The following CACNA1C variants were observed in gnomAD, a reference collection of about 807,000 sequenced individuals.
CACNA1C encodes the protein voltage-dependent L-type calcium channel subunit alpha-1C.
A neutral mutation model predicts 229.0 loss-of-function variants in CACNA1C; 30 were observed. The ratio of observed to expected loss-of-function variants is 0.13; its 90% CI spans 0.10 to 0.18. The LOEUF (loss-of-function observed/expected upper bound fraction) is 0.18, where lower values mean the gene tolerates loss of function less well. Ranked by LOEUF, CACNA1C falls within the 10% of genes least tolerant of loss-of-function variation. CACNA1C has a pLI of 1.00. For synonymous variants in CACNA1C, 1,114 were observed against 1,132.5 expected (o/e 0.98, Z 0.33); for missense variants, 1,658 against 2,845.0 (o/e 0.58, Z 9.49).
chr12:2,425,859 T>C (rs1443941514), intron 3 of CACNA1C, among the ~76,000 whole-genome samples: 1 of 152,218 alleles, frequency 6.6e-6, no homozygotes, highest in Non-Finnish European at 1.5e-5. Flanking sequence ...AGAAAAAGTT[T>C]CCAGAGGGTT....
rs2097835491 is a variant in CACNA1C, at chr12:2,695,641, C to T, written c.*4442C>T. 6.6e-6 allele frequency: 1 copy of T among 152,310 alleles called. No individual in the cohort carries two copies. Among genetic ancestry groups the T allele is most frequent in the East Asian group, 1.9e-4 (1 of 5,192 alleles). The allele number at this position is 152,310 out of a possible 1,614,324, so 9.4% of individuals were successfully genotyped here. ...TCCCTGTCCCTAAGCAAAGCTCCCTCTTCCCACTGCCCTCCCCAGCCCCAG... is the reference window on the plus strand; with the variant it reads ...TCCCTGTCCCTAAGCAAAGCTCCCTTTTCCCACTGCCCTCCCCAGCCCCAG... On this transcript the variant is annotated 3_prime_UTR_variant, in exon 47 of 47. Transcript: ENST00000399655.
At chr12:2,360,285 C>T (rs1426733684) in intron 3 of CACNA1C, among the ~76,000 whole-genome samples, 2 of 151,812 alleles carry the variant, frequency 1.3e-5, no homozygotes, top group Non-Finnish European at 2.9e-5. Context: ...CCCCCGGATT[C>T]CTCAGGTTGC....
chr12:2,439,715 T>G (rs1020773365), intron 3 of CACNA1C, among the ~76,000 whole-genome samples: 6 of 136,722 alleles, frequency 4.4e-5, no homozygotes, highest in East Asian at 2.1e-4. Context: ...TTGAGAAGGG[T>G]TTTTTTTTTT....
At chr12:2,685,098 A>T (rs1260105897) in intron 43 of CACNA1C, among the ~76,000 whole-genome samples, 2 of 152,232 alleles carry the variant, frequency 1.3e-5, no homozygotes, top group Non-Finnish European at 1.5e-5. Context: ...ACCGAGGGTA[A>T]CCAAAGGCTA....
chr12:2,397,102 A>T (rs955373477), intron 3 of CACNA1C, among the ~76,000 whole-genome samples: 1 of 152,240 alleles, frequency 6.6e-6, no homozygotes, highest in South Asian at 2.1e-4. Context: ...TATGTACAAC[A>T]TTGTGCTTAG....
At chr12:2,663,735 C>CTTTTTT (rs55933898) in intron 34 of CACNA1C, among the ~76,000 whole-genome samples, 22 of 103,848 alleles carry the variant, frequency 2.1e-4, no homozygotes, top group African/African-American at 6.4e-4. Context: ...AATAGAGTAT[C>CTTTTTT]TTTTTTTTTT....
intron 1 of CACNA1C, among the ~76,000 whole-genome samples, chr12:2,040,923 A>G (rs188754534): frequency 7.6e-4 from 116 of 152,370 alleles, no homozygotes; most frequent in African/African-American, 2.7e-3. Context: ...CTAAAGTTAC[A>G]CAGCCAAGTG....
intron 29 of CACNA1C, among the ~76,000 whole-genome samples, chr12:2,624,930 A>G (rs2085454933): frequency 6.6e-6 from 1 of 152,242 alleles, no homozygotes; most frequent in Non-Finnish European, 1.5e-5. Flanking sequence ...CTCTTGCCCC[A>G]GCCTTCGCCA....
chr12:2,228,023 G>A (rs969012660), intron 3 of CACNA1C, among the ~76,000 whole-genome samples: 1 of 152,162 alleles, frequency 6.6e-6, no homozygotes, highest in Non-Finnish European at 1.5e-5. Context: ...ATGTCCTTAG[G>A]TGGTGGGCTG....
Position 2,566,577 on chromosome 12 carries a change from TC to T in CACNA1C, c.1666del (p.Gln556LysfsTer18). The T allele has an allele frequency of 6.3e-7, 1 of 1,596,004 alleles. No homozygotes were observed. The highest frequency in any genetic ancestry group is 8.5e-7 in the Non-Finnish European group (1 of 1,171,622). On this transcript the variant is annotated frameshift_variant, in exon 12 of 47. Coordinates refer to ENST00000399655, the MANE Select transcript of CACNA1C (RefSeq NM_000719.7). LOFTEE classifies it high-confidence loss of function. The surrounding 1 kb of genome is among the most constrained non-coding windows in gnomAD (Gnocchi z 4.0). ...AACCAGCCCAACTGGCTCACAGAAG[TC>T]CAAGGTGAGCGGCGGCCCCAGCTCT... ...HYNQPNWLTE[V>X]QDTANKALLA...
At chr12:2,631,673 TA>T (rs1474302176) in intron 29 of CACNA1C, among the ~76,000 whole-genome samples, 3 of 152,124 alleles carry the variant, frequency 2.0e-5, no homozygotes, top group African/African-American at 7.2e-5. Flanking sequence ...TTCAGAAAAA[TA>T]CCCTGGGAAG....
chr12:2,511,051 T>TG (rs1287679722), intron 8 of CACNA1C, among the ~76,000 whole-genome samples: 1 of 152,026 alleles, frequency 6.6e-6, no homozygotes, highest in Non-Finnish European at 1.5e-5. Context: ...TAAAAGTCCT[T>TG]GGGAAAAAAA....
intron 3 of CACNA1C, among the ~76,000 whole-genome samples, chr12:2,254,201 G>C (rs370549624): frequency 1.3e-5 from 2 of 152,136 alleles, no homozygotes; most frequent in Non-Finnish European, 2.9e-5. Flanking sequence ...CTCACCACTC[G>C]AGAGCCCCTA....
At chr12:2,424,002 C>G in intron 3 of CACNA1C, among the ~76,000 whole-genome samples, 1 of 152,248 alleles carries the variant, frequency 6.6e-6, no homozygotes, top group Middle Eastern at 3.4e-3. Flanking sequence ...CTCCCCTCCT[C>G]TTGGGAGAGA....
intron 6 of CACNA1C, among the ~76,000 whole-genome samples, chr12:2,492,737 A>T (rs976212036): frequency 1.3e-5 from 2 of 152,160 alleles, no homozygotes; most frequent in African/African-American, 4.8e-5. Flanking sequence ...TATTGTCCTT[A>T]CCCTAAATTC....
intron 3 of CACNA1C, among the ~76,000 whole-genome samples, chr12:2,262,928 A>T (rs911035393): frequency 3.3e-5 from 5 of 152,204 alleles, no homozygotes; most frequent in Admixed American, 6.5e-5. Flanking sequence ...GACAATTCCT[A>T]CCTGCAAGGA....
chr12:2,384,206 G>A (rs974645075), intron 3 of CACNA1C, among the ~76,000 whole-genome samples: 2 of 152,302 alleles, frequency 1.3e-5, no homozygotes, highest in South Asian at 2.1e-4. Context: ...GCTCCTTGGC[G>A]GAGAATCGCG....
At chr12:2,099,828 G>A (rs546491080) in intron 1 of CACNA1C, among the ~76,000 whole-genome samples, 2 of 152,272 alleles carry the variant, frequency 1.3e-5, no homozygotes, top group South Asian at 4.1e-4. Flanking sequence ...GCACCACAGG[G>A]AAACACAGGC....
intron 3 of CACNA1C, among the ~76,000 whole-genome samples, chr12:2,224,267 C>T (rs553742298): frequency 6.6e-6 from 1 of 152,158 alleles, no homozygotes; most frequent in African/African-American, 2.4e-5. Context: ...AAGAGGCCTA[C>T]AAGAGAAAGT....
Sources: allele counts gnomAD v4.1 joint callset (sites outside exome capture counted in the v4.1 genomes callset), GRCh38; gene constraint gnomAD v4.1.1; non-coding constraint Gnocchi (gnomAD v3.1); transcripts MANE v1.5; gene names NCBI Gene and HGNC (gene_info 2026-07-23, HGNC 2026-07-21).